CHST9: variants seen among roughly 807,000 people sequenced by gnomAD.
The protein encoded by CHST9 is carbohydrate sulfotransferase 9.
CHST9 carries 41 observed loss-of-function variants against 44.4 expected under a neutral mutation model. The observed-to-expected ratio is 0.92, with a 90% confidence interval of 0.72 to 1.20. The LOEUF (loss-of-function observed/expected upper bound fraction) is 1.20. Among genes scored for constraint, CHST9 ranks in the 50% most tolerant of loss-of-function variants. The pLI is 0.00. For synonymous variants in CHST9, 171 were observed against 178.4 expected (o/e 0.96, Z 0.33); for missense variants, 504 against 516.5 (o/e 0.98, Z 0.23).
chr18:27,106,746 A>G (rs1467724372), intron 2 of CHST9, among the ~76,000 whole-genome samples: 1 of 152,182 alleles, frequency 6.6e-6, no homozygotes, highest in East Asian at 1.9e-4. Context: ...GAAATCATAT[A>G]ATTTTCTTTC....
In CHST9 at chr18:26,911,088, C is replaced by T. The variant is rs931956953; in HGVS notation, c.*5171G>A. On this transcript the variant is annotated 3_prime_UTR_variant, in exon 6 of 6. Transcript: ENST00000618847. ...TGGCTCAGCTCCCTTCCCTCAGCTGCCCTGCTCTAGCACCTTCCTTTCAGA... is the reference window on the plus strand; with the variant it reads ...TGGCTCAGCTCCCTTCCCTCAGCTGTCCTGCTCTAGCACCTTCCTTTCAGA... 2 of 152,204 alleles carry T rather than the reference C, an allele frequency of 1.3e-5. No individual in the cohort carries two copies. Among genetic ancestry groups the T allele is most frequent in the African/African-American group, 4.8e-5 (2 of 41,448 alleles). The allele number at this position is 152,204 out of a possible 1,614,324, so 9.4% of individuals were successfully genotyped here.
chr18:27,142,605 A>G, intron 2 of CHST9, 84 bp downstream of exon 2: 1 of 926,134 alleles, frequency 1.1e-6, no homozygotes, highest in South Asian at 3.3e-5. Flanking sequence ...GATTCTCAAT[A>G]TATTAATAAG....
intron 3 of CHST9, among the ~76,000 whole-genome samples, chr18:27,027,910 AT>A (rs1164529817): frequency 6.6e-6 from 1 of 151,952 alleles, no homozygotes; most frequent in African/African-American, 2.4e-5. Flanking sequence ...TTTATTTTGT[AT>A]TTTTTTGAGA....
intron 1 of CHST9, among the ~76,000 whole-genome samples, chr18:27,168,432 G>T (rs1419872407): frequency 6.6e-6 from 1 of 152,160 alleles, no homozygotes; most frequent in Non-Finnish European, 1.5e-5. Context: ...GAGAGACAAA[G>T]AAGCTAATTA....
chr18:26,938,673 T>A (rs2056036379), intron 5 of CHST9, among the ~76,000 whole-genome samples: 1 of 152,202 alleles, frequency 6.6e-6, no homozygotes, highest in African/African-American at 2.4e-5. Flanking sequence ...GGTACTCAAG[T>A]CTTGAACCAG....
chr18:26,960,480 T>G (rs1391663370), intron 4 of CHST9, among the ~76,000 whole-genome samples: 1 of 152,176 alleles, frequency 6.6e-6, no homozygotes, highest in Non-Finnish European at 1.5e-5. Context: ...AAAAGACAAT[T>G]GCAAGTTTTA....
chr18:26,991,669 T>TGA (rs2056818202), intron 4 of CHST9, among the ~76,000 whole-genome samples: 1 of 66,996 alleles, frequency 1.5e-5, no homozygotes, highest in Non-Finnish European at 4.1e-5. Context: ...AAGAAGCACC[T>TGA]GCCAGTGAAA....
intron 4 of CHST9, among the ~76,000 whole-genome samples, chr18:27,017,272 T>G (rs1187875346): frequency 6.6e-6 from 1 of 152,162 alleles, no homozygotes; most frequent in African/African-American, 2.4e-5. Flanking sequence ...CCATCATAAG[T>G]CAAAGAACAT....
chr18:27,173,934 C>T (rs949388214), intron 1 of CHST9, among the ~76,000 whole-genome samples: 1 of 151,890 alleles, frequency 6.6e-6, no homozygotes, highest in East Asian at 1.9e-4. Flanking sequence ...GCCTATTTCT[C>T]CCTTTCTTAC....
At chr18:26,953,860 T>C (rs16943045) in intron 4 of CHST9, among the ~76,000 whole-genome samples, 24,112 of 152,156 alleles carry the variant, frequency 0.16, 2,085 homozygotes, top group East Asian at 0.24. Context: ...CTTTCTGTAC[T>C]ATCACCTACA....
At chr18:27,105,301 T>C (rs1555624159) in intron 2 of CHST9, among the ~76,000 whole-genome samples, 3 of 152,148 alleles carry the variant, frequency 2.0e-5, no homozygotes, top group Non-Finnish European at 4.4e-5. Context: ...CTACTTGCCT[T>C]AAAGAAAAGA....
chr18:26,912,235 GT>G lies in CHST9; in HGVS notation c.*4023del, dbSNP rs1879612204. ...ACTATTTTTTCTTCTTAAAAACATTGTTTCCATGATTAACTAAGGATTACAA... is the reference window on the plus strand; with the variant it reads ...ACTATTTTTTCTTCTTAAAAACATTGTTCCATGATTAACTAAGGATTACAA... On this transcript the variant is annotated 3_prime_UTR_variant, in exon 6 of 6. Coordinates refer to ENST00000618847, the MANE Select transcript of CHST9 (RefSeq NM_031422.6). 6.6e-6 allele frequency: 1 copy of G among 152,038 alleles called. No individual in the cohort carries two copies. The highest frequency in any genetic ancestry group is 2.1e-4 in the South Asian group (1 of 4,822). The allele number at this position is 152,038 out of a possible 1,614,324, so 9.4% of individuals were successfully genotyped here.
chr18:27,137,359 G>T (rs1432511328), intron 2 of CHST9, among the ~76,000 whole-genome samples: 17 of 146,996 alleles, frequency 1.2e-4, no homozygotes, highest in Admixed American at 1.4e-4. Flanking sequence ...TGTGTGTATA[G>T]AGAGAGAGAG....
intron 2 of CHST9, among the ~76,000 whole-genome samples, chr18:27,138,547 A>G (rs997981761): frequency 6.6e-6 from 1 of 152,196 alleles, no homozygotes; most frequent in African/African-American, 2.4e-5. Context: ...CTTGGGCACA[A>G]TTGAATTTTC....
intron 4 of CHST9, among the ~76,000 whole-genome samples, chr18:27,002,868 C>A (rs2056969901): frequency 1.3e-5 from 2 of 152,002 alleles, no homozygotes; most frequent in Non-Finnish European, 2.9e-5. Context: ...GTTAGGTCAG[C>A]AGAGTAGTTT....
At chr18:27,016,843 T>C (rs1168735934) in intron 4 of CHST9, among the ~76,000 whole-genome samples, 1 of 152,210 alleles carries the variant, frequency 6.6e-6, no homozygotes, top group Non-Finnish European at 1.5e-5. Flanking sequence ...ATTTACAGTA[T>C]TGAATCACTG....
intron 4 of CHST9, among the ~76,000 whole-genome samples, chr18:26,986,156 C>T (rs778553661): frequency 6.6e-6 from 1 of 151,998 alleles, no homozygotes; most frequent in Admixed American, 6.6e-5. Flanking sequence ...TTAACTTAAA[C>T]AGAAATTACT....
chr18:27,120,627 G>A (rs144504438), intron 2 of CHST9, among the ~76,000 whole-genome samples: 1,609 of 152,250 alleles, frequency 0.011, 24 homozygotes, highest in African/African-American at 0.034. Flanking sequence ...AGGAGAGCTA[G>A]GAACCCTTGT....
chr18:27,151,347 A>C (rs909750273), intron 1 of CHST9, among the ~76,000 whole-genome samples: 11 of 152,164 alleles, frequency 7.2e-5, no homozygotes, highest in African/African-American at 2.7e-4. Flanking sequence ...GAGTCCCTGC[A>C]TACCTTTTAT....
Sources: allele counts gnomAD v4.1 joint callset (sites outside exome capture counted in the v4.1 genomes callset), GRCh38; gene constraint gnomAD v4.1.1; transcripts MANE v1.5; gene names NCBI Gene and HGNC (gene_info 2026-07-23, HGNC 2026-07-21).